The following HS3ST4 variants were observed in gnomAD, a reference collection of about 807,000 sequenced individuals.
HS3ST4 encodes heparan sulfate-glucosamine 3-sulfotransferase 4.
HS3ST4 carries 17 observed loss-of-function variants against 29.2 expected under a neutral mutation model. The observed-to-expected ratio is 0.58, with a 90% CI of 0.40 to 0.87. The LOEUF (loss-of-function observed/expected upper bound fraction) is 0.87, where lower values mean the gene tolerates loss of function less well. HS3ST4 is among the 40% of genes least tolerant of loss of function. The pLI, the probability that HS3ST4 is intolerant of heterozygous loss-of-function variation, is 0.00. For synonymous variants in HS3ST4, 314 were observed against 285.7 expected (o/e 1.10, Z -1.00); for missense variants, 627 against 634.5 (o/e 0.99, Z 0.13).
At chr16:25,928,659 G>T (rs1036683827) in intron 1 of HS3ST4, among the ~76,000 whole-genome samples, 2 of 152,072 alleles carry the variant, frequency 1.3e-5, no homozygotes, top group Non-Finnish European at 2.9e-5. Context: ...AAGAACTTGG[G>T]AGCAATAATT....
intron 1 of HS3ST4, among the ~76,000 whole-genome samples, chr16:25,959,336 C>A (rs1382578334): frequency 6.6e-6 from 1 of 152,140 alleles, no homozygotes; most frequent in African/African-American, 2.4e-5. Context: ...TCTATAGGAA[C>A]AATGAGGATG....
At chr16:25,926,182 C>T (rs953642932) in intron 1 of HS3ST4, among the ~76,000 whole-genome samples, 1 of 152,138 alleles carries the variant, frequency 6.6e-6, no homozygotes, top group African/African-American at 2.4e-5. Flanking sequence ...ATTACCTTCT[C>T]CCCCAAAAGA....
At chr16:25,887,524 A>G (rs532068106) in intron 1 of HS3ST4, among the ~76,000 whole-genome samples, 39 of 152,230 alleles carry the variant, frequency 2.6e-4, no homozygotes, top group African/African-American at 9.4e-4. Context: ...ATAAATTCCC[A>G]CATATTAATT....
At chr16:26,047,234 G>C (rs189293448) in intron 1 of HS3ST4, among the ~76,000 whole-genome samples, 3 of 152,338 alleles carry the variant, frequency 2.0e-5, no homozygotes, top group African/African-American at 7.2e-5. Context: ...GGCTGGCACA[G>C]GGTACTCATC....
intron 1 of HS3ST4, among the ~76,000 whole-genome samples, chr16:26,018,328 T>G (rs1414555551): frequency 6.6e-6 from 1 of 152,122 alleles, no homozygotes; most frequent in East Asian, 1.9e-4. Flanking sequence ...GAAGGGGAGT[T>G]GTTGGGGGGC....
At chr16:25,841,270 G>T (rs1030152259) in intron 1 of HS3ST4, among the ~76,000 whole-genome samples, 1 of 151,674 alleles carries the variant, frequency 6.6e-6, no homozygotes, top group Non-Finnish European at 1.5e-5. Flanking sequence ...CTCCCAAAGC[G>T]CTGGGATTAC....
intron 1 of HS3ST4, among the ~76,000 whole-genome samples, chr16:25,850,205 G>A (rs759069287): frequency 2.0e-5 from 3 of 151,740 alleles, no homozygotes; most frequent in Non-Finnish European, 4.4e-5. Flanking sequence ...CTCCATGTTG[G>A]TTAGGCTGGT....
At chr16:26,057,852 G>A (rs1898427999) in intron 1 of HS3ST4, among the ~76,000 whole-genome samples, 1 of 152,340 alleles carries the variant, frequency 6.6e-6, no homozygotes. Context: ...CTGTCTGTGT[G>A]AAGAAGAGAG....
intron 1 of HS3ST4, among the ~76,000 whole-genome samples, chr16:25,759,017 G>A (rs9934539): frequency 0.92 from 140,268 of 151,786 alleles, 64,837 homozygotes; most frequent in East Asian, 1. Context: ...CAAAAAACTC[G>A]AAATGGAAGT....
intron 1 of HS3ST4, among the ~76,000 whole-genome samples, chr16:25,752,298 A>G (rs560321405): frequency 6.6e-6 from 1 of 152,292 alleles, no homozygotes; most frequent in Middle Eastern, 3.4e-3. Context: ...TATTAATAAC[A>G]TGAAGACATA....
chr16:25,748,551 C>G (rs1006870196), intron 1 of HS3ST4, among the ~76,000 whole-genome samples: 1 of 152,162 alleles, frequency 6.6e-6, no homozygotes, highest in Non-Finnish European at 1.5e-5. Context: ...CAAAAAGCTC[C>G]ATGATAAAAA....
chr16:25,733,701 G>A (rs753714694), intron 1 of HS3ST4, among the ~76,000 whole-genome samples: 35 of 152,198 alleles, frequency 2.3e-4, no homozygotes, highest in Non-Finnish European at 4.4e-4. Context: ...GGGGGGAAAC[G>A]CATCACTTGC....
At chr16:26,002,543 G>T (rs1464710179) in intron 1 of HS3ST4, among the ~76,000 whole-genome samples, 1 of 152,034 alleles carries the variant, frequency 6.6e-6, no homozygotes, top group African/African-American at 2.4e-5. Flanking sequence ...GATAAATGGT[G>T]GAAGGATGTG....
intron 1 of HS3ST4, among the ~76,000 whole-genome samples, chr16:25,860,531 A>G (rs1967626068): frequency 6.6e-6 from 1 of 152,184 alleles, no homozygotes; most frequent in Non-Finnish European, 1.5e-5. Flanking sequence ...ATGGACTATT[A>G]TTCAGTGCTG....
Position 25,692,305 on chromosome 16 carries a change from AGCGGCGGCGGCG to A in HS3ST4, c.-90_-79del, listed in dbSNP as rs533546276. The A allele has an allele frequency of 0.015, 2,209 of 146,442 alleles. 33 individuals are homozygous for A. Among genetic ancestry groups the A allele is most frequent in the African/African-American group, 0.037 (1,349 of 36,310 alleles). 9.1% of individuals were successfully genotyped at this position (146,442 alleles called of 1,614,324 possible). A position where few individuals can be genotyped will look rare whatever the true frequency, so the allele number is the denominator to read the frequency against. On this transcript the variant is annotated 5_prime_UTR_variant, in exon 1 of 2. Coordinates refer to ENST00000331351, the MANE Select transcript of HS3ST4 (RefSeq NM_006040.3). Reference sequence around the variant, plus strand: ...CTTCATGCAGCCGGGGCGGCTGGGCAGCGGCGGCGGCGGCGGCGGCGGCGGCGGCGGCGGGGG... The same window carrying A: ...CTTCATGCAGCCGGGGCGGCTGGGCAGCGGCGGCGGCGGCGGCGGCGGGGG...
At chr16:25,846,309 C>T (rs1417856873) in intron 1 of HS3ST4, among the ~76,000 whole-genome samples, 1 of 152,082 alleles carries the variant, frequency 6.6e-6, no homozygotes, top group Admixed American at 6.6e-5. Flanking sequence ...GTATTAATAC[C>T]TTGTGTTATT....
chr16:25,976,285 A>G (rs1306501288), intron 1 of HS3ST4, among the ~76,000 whole-genome samples: 1 of 152,006 alleles, frequency 6.6e-6, no homozygotes, highest in African/African-American at 2.4e-5. Flanking sequence ...ATCTGCTCAT[A>G]TTTCTCCAGG....
intron 1 of HS3ST4, among the ~76,000 whole-genome samples, chr16:25,794,973 CTTTT>C (rs58579462): frequency 7.9e-6 from 1 of 126,116 alleles, no homozygotes; most frequent in Non-Finnish European, 1.7e-5. Flanking sequence ...TTTTTCTTTA[CTTTT>C]TTTTTTTTTT....
At chr16:25,936,958 A>C (rs927637673) in intron 1 of HS3ST4, among the ~76,000 whole-genome samples, 2 of 152,196 alleles carry the variant, frequency 1.3e-5, no homozygotes, top group Non-Finnish European at 1.5e-5. Context: ...GTACCACCAA[A>C]TATTTGGCAT....
Sources: gnomAD v4.1 joint callset for allele counts (sites outside exome capture counted in the v4.1 genomes callset) on GRCh38, gnomAD v4.1.1 for gene constraint, MANE v1.5 for transcripts, NCBI Gene and HGNC (gene_info 2026-07-23, HGNC 2026-07-21) for gene names.